Variants in TPST1 observed in about 807,000 individuals in gnomAD.
TPST1 encodes the protein protein-tyrosine sulfotransferase 1.
In TPST1, 20 loss-of-function variants were observed where a neutral mutation model predicts 34.8. The ratio of observed to expected loss-of-function variants is 0.57; its 90% CI spans 0.40 to 0.84. The LOEUF is 0.84. TPST1 is among the 40% of genes least tolerant of loss of function. The pLI, the probability that TPST1 is intolerant of heterozygous loss-of-function variation, is 0.00. For synonymous variants in TPST1, 152 were observed against 159.4 expected (o/e 0.95, Z 0.35); for missense variants, 353 against 455.5 (o/e 0.78, Z 2.05).
intron 1 of TPST1, among the ~76,000 whole-genome samples, chr7:66,227,916 A>G (rs1414553440): frequency 6.6e-6 from 1 of 152,202 alleles, no homozygotes; most frequent in African/African-American, 2.4e-5. Context: ...TCATAGTAAT[A>G]TATCACAGTA....
At chr7:66,201,379 AC>A (rs1201999304), upstream of TPST1, among the ~76,000 whole-genome samples, 2 of 132,060 alleles carry the variant, frequency 1.5e-5, no homozygotes, top group Admixed American at 7.7e-5. Context: ...TCCCATCTCT[AC>A]CAAAAAAAAA....
At chr7:66,203,389 G>A (rs1789055027), upstream of TPST1, among the ~76,000 whole-genome samples, 1 of 151,694 alleles carries the variant, frequency 6.6e-6, no homozygotes, top group African/African-American at 2.4e-5. Flanking sequence ...ACAGGCGTGA[G>A]CCACCACACC....
At chr7:66,236,080 T>C (rs538747832) in intron 1 of TPST1, among the ~76,000 whole-genome samples, 1 of 152,254 alleles carries the variant, frequency 6.6e-6, no homozygotes, top group East Asian at 1.9e-4. Flanking sequence ...AAAAATACTT[T>C]GACAGACAGT....
intron 1 of TPST1, among the ~76,000 whole-genome samples, chr7:66,210,622 A>G (rs1414725692): frequency 6.6e-6 from 1 of 152,212 alleles, no homozygotes; most frequent in African/African-American, 2.4e-5. Context: ...GAGAGCCCAA[A>G]GAGGGAGTGA....
chr7:66,337,936 A>G (rs930932101), intron 3 of TPST1, among the ~76,000 whole-genome samples: 5 of 152,224 alleles, frequency 3.3e-5, no homozygotes, highest in African/African-American at 1.2e-4. Flanking sequence ...ATAGGAAGAA[A>G]GAATCTACAA....
intron 2 of TPST1, among the ~76,000 whole-genome samples, chr7:66,279,962 C>G (rs1373253521): frequency 6.6e-6 from 1 of 152,190 alleles, no homozygotes; most frequent in Non-Finnish European, 1.5e-5. Flanking sequence ...TGCTAAGGCT[C>G]TGGGCATTCA....
At chr7:66,293,472 T>C (rs879610852) in intron 3 of TPST1, among the ~76,000 whole-genome samples, 1 of 152,060 alleles carries the variant, frequency 6.6e-6, no homozygotes, top group Non-Finnish European at 1.5e-5. Flanking sequence ...CACTGTACTG[T>C]AGCCTGGGTG....
At chr7:66,337,299 A>ATTTTTTTTTT (rs749288846) in intron 3 of TPST1, among the ~76,000 whole-genome samples, 7 of 107,724 alleles carry the variant, frequency 6.5e-5, no homozygotes, top group South Asian at 3.4e-4. Context: ...TAAAAGACAA[A>ATTTTTTTTTT]TTTTTTTTTT....
At chr7:66,281,008 G>T (rs962991166) in intron 2 of TPST1, among the ~76,000 whole-genome samples, 1 of 152,136 alleles carries the variant, frequency 6.6e-6, no homozygotes, top group Admixed American at 6.5e-5. Context: ...TTCCTTCGAT[G>T]CCTAGCTTGT....
chr7:66,306,019 G>C (rs1791415704), intron 3 of TPST1, among the ~76,000 whole-genome samples: 1 of 152,148 alleles, frequency 6.6e-6, no homozygotes, highest in Non-Finnish European at 1.5e-5. Flanking sequence ...CCCTCCACCT[G>C]AATGTGGACA....
intron 3 of TPST1, among the ~76,000 whole-genome samples, chr7:66,299,307 T>TG (rs1554350096): frequency 6.6e-6 from 1 of 151,450 alleles, no homozygotes; most frequent in Non-Finnish European, 1.5e-5. Context: ...AGGTTTTTTT[T>TG]TTTTTTTTTA....
chr7:66,317,775 G>A (rs761067387), intron 3 of TPST1, among the ~76,000 whole-genome samples: 3 of 151,738 alleles, frequency 2.0e-5, no homozygotes, highest in Non-Finnish European at 4.4e-5. Flanking sequence ...TTTGTGGACT[G>A]TTTTCTTTTT....
At chr7:66,347,068 T>C (rs1271803589) in intron 3 of TPST1, among the ~76,000 whole-genome samples, 3 of 113,548 alleles carry the variant, frequency 2.6e-5, no homozygotes, top group Admixed American at 9.2e-5. Context: ...TCTTTTTTTT[T>C]TTTTTTTTTT....
At chr7:66,262,276 C>A (rs1790503301) in intron 2 of TPST1, among the ~76,000 whole-genome samples, 1 of 152,158 alleles carries the variant, frequency 6.6e-6, no homozygotes, top group African/African-American at 2.4e-5. Flanking sequence ...CTCTTTGCCT[C>A]CCCTGGGGCA....
chr7:66,231,889 C>T (rs1332314076), intron 1 of TPST1, among the ~76,000 whole-genome samples: 3 of 152,244 alleles, frequency 2.0e-5, no homozygotes, highest in Non-Finnish European at 2.9e-5. Flanking sequence ...ACTGCCAGCA[C>T]GCTGTCATCT....
At chr7:66,279,371 A>C (rs1181438711) in intron 2 of TPST1, among the ~76,000 whole-genome samples, 1 of 152,114 alleles carries the variant, frequency 6.6e-6, no homozygotes, top group Non-Finnish European at 1.5e-5. Flanking sequence ...AGCTATTGTG[A>C]ACAGTGTTGC....
chr7:66,280,231 G>A (rs999210641), intron 2 of TPST1, among the ~76,000 whole-genome samples: 8 of 152,198 alleles, frequency 5.3e-5, no homozygotes, highest in African/African-American at 1.7e-4. Context: ...CACAGTGGAC[G>A]TGGAAGCCAC....
At chr7:66,293,150 G>A (rs949575285) in intron 3 of TPST1, among the ~76,000 whole-genome samples, 2 of 151,688 alleles carry the variant, frequency 1.3e-5, no homozygotes, top group Non-Finnish European at 2.9e-5. Context: ...AGCTTGCAGT[G>A]AGTAGAGATC....
At chr7:66,277,781 G>C (rs964777550) in intron 2 of TPST1, among the ~76,000 whole-genome samples, 4 of 152,040 alleles carry the variant, frequency 2.6e-5, no homozygotes, top group African/African-American at 7.2e-5. Flanking sequence ...TGTTTTAAAG[G>C]CTCTGTCTGG....
Sources: allele counts gnomAD v4.1 joint callset (sites outside exome capture counted in the v4.1 genomes callset), GRCh38; gene constraint gnomAD v4.1.1; transcripts MANE v1.5; gene names NCBI Gene and HGNC (gene_info 2026-07-23, HGNC 2026-07-21).